The following IRAG1 variants were observed in gnomAD, a reference collection of about 807,000 sequenced individuals.
IRAG1 encodes IP3R-associated cGMP kinase substrate.
In IRAG1, 62 loss-of-function variants were observed where a neutral mutation model predicts 106.2. The observed-to-expected ratio is 0.58, with a 90% confidence interval of 0.48 to 0.72. The LOEUF (loss-of-function observed/expected upper bound fraction) is 0.72, where lower values mean the gene tolerates loss of function less well. IRAG1 is among the 30% of genes least tolerant of loss of function. The probability of loss-of-function intolerance (pLI) is 0.00; values close to 1 mark genes in which losing one functional copy is unlikely to be tolerated. For missense variants in IRAG1, 1,064 were observed against 1,140.7 expected (o/e 0.93, Z 0.97); for synonymous variants, 462 against 443.9 (o/e 1.04, Z -0.51).
In IRAG1 at chr11:10,644,726, G is replaced by A. The variant is rs185541976; in HGVS notation, c.225+7299C>T. Among the ~76,000 whole-genome samples, 3 of 152,306 alleles carry A rather than the reference G, an allele frequency of 2.0e-5. No individual in the cohort carries two copies. The East Asian group carries it at 5.8e-4, about 29-fold the overall frequency. On this transcript the variant is annotated intron_variant, in intron 2 of 20. Transcript: ENST00000423302. ...ACACAGTCCTTACCAGGTTCCAAGT[G>A]TTTTACATGCTTTATCTGGTTCCTC...
At chr11:10,633,941 C>G (rs539202580) in intron 3 of IRAG1, 27 bp downstream of exon 3, 1 of 1,377,356 alleles carries the variant, frequency 7.3e-7, no homozygotes, top group East Asian at 2.4e-5. Context: ...TATTGTTTGT[C>G]ACAATGCAAG....
chr11:10,610,300 G>T (rs1591603245), intron 10 of IRAG1, among the ~76,000 whole-genome samples: 2 of 152,180 alleles, frequency 1.3e-5, no homozygotes, highest in African/African-American at 4.8e-5. Context: ...ATCCTACTTA[G>T]AAATTAACAT....
intron 1 of IRAG1, among the ~76,000 whole-genome samples, chr11:10,658,193 G>T (rs538565008): frequency 6.6e-6 from 1 of 152,294 alleles, no homozygotes; most frequent in South Asian, 2.1e-4. Flanking sequence ...GCTGGGTTCC[G>T]CGACTCCACA....
intron 18 of IRAG1, among the ~76,000 whole-genome samples, chr11:10,584,548 AATATATATATATATATATATAT>A (rs56768282): frequency 9.1e-5 from 9 of 98,580 alleles, no homozygotes; most frequent in South Asian, 8.3e-4. Context: ...TCTTTCATGA[AATATATATATATATATATATAT>A]ATATATATAT....
chr11:10,685,076 A>G (rs1564945117), intron 1 of IRAG1, among the ~76,000 whole-genome samples: 1 of 152,128 alleles, frequency 6.6e-6, no homozygotes, highest in Non-Finnish European at 1.5e-5. Context: ...TCTTACCTAA[A>G]TCTCTATCTA....
Position 10,590,262 on chromosome 11 carries a change from T to A in IRAG1, c.2240+1286A>T, listed in dbSNP as rs558844947. Among the ~76,000 whole-genome samples, 4 of 152,228 alleles carry A rather than the reference T, an allele frequency of 2.6e-5. No homozygotes were observed. In the South Asian group the frequency reaches 8.3e-4, roughly 32 times the overall value. ...GTGTTGCCTCTTGACAATTTCCCTG[T>A]AGTGATCAAGAAAAGACAGAGAGAG... On this transcript the variant is annotated intron_variant, in intron 18 of 20. Coordinates refer to ENST00000423302, the MANE Select transcript of IRAG1 (RefSeq NM_130385.4).
chr11:10,668,664 A>T (rs1233297022), intron 1 of IRAG1, among the ~76,000 whole-genome samples: 1 of 151,738 alleles, frequency 6.6e-6, no homozygotes, highest in Non-Finnish European at 1.5e-5. Flanking sequence ...AATTGCAATT[A>T]TTTTTTTATA....
At chr11:10,603,520 C>T (rs1041389443) in intron 13 of IRAG1, among the ~76,000 whole-genome samples, 1 of 152,108 alleles carries the variant, frequency 6.6e-6, no homozygotes, top group African/African-American at 2.4e-5. Context: ...TGACAGGCGG[C>T]GGAGCTCAGG....
chr11:10,635,856 G>C (rs751312244), intron 2 of IRAG1, among the ~76,000 whole-genome samples: 9 of 152,160 alleles, frequency 5.9e-5, no homozygotes, highest in Non-Finnish European at 1.2e-4. Context: ...TGGAAACCCA[G>C]AGCCAGATCC....
At chr11:10,580,921 G>A (rs1851324581) in intron 19 of IRAG1, among the ~76,000 whole-genome samples, 1 of 152,184 alleles carries the variant, frequency 6.6e-6, no homozygotes, top group Admixed American at 6.5e-5. Context: ...ATGTGACCGT[G>A]GAGCTTCAGC....
chr11:10,615,986 A>G (rs1486719301), intron 10 of IRAG1, among the ~76,000 whole-genome samples: 3 of 105,756 alleles, frequency 2.8e-5, no homozygotes, highest in Non-Finnish European at 7.0e-5. Flanking sequence ...AACACCTTGT[A>G]TAATATACTA....
intron 1 of IRAG1, among the ~76,000 whole-genome samples, chr11:10,673,781 T>C (rs535414239): frequency 6.6e-6 from 1 of 152,134 alleles, no homozygotes; most frequent in South Asian, 2.1e-4. Flanking sequence ...ACATAAACAT[T>C]AGAAATTAAG....
intron 2 of IRAG1, among the ~76,000 whole-genome samples, chr11:10,639,062 G>A (rs1857332447): frequency 6.6e-6 from 1 of 152,118 alleles, no homozygotes; most frequent in African/African-American, 2.4e-5. Context: ...TGGGACTACA[G>A]GCATGCACCA....
intron 2 of IRAG1, among the ~76,000 whole-genome samples, chr11:10,645,549 C>T (rs1032247817): frequency 2.0e-5 from 3 of 152,232 alleles, no homozygotes; most frequent in Non-Finnish European, 4.4e-5. Context: ...GCTCTAAATT[C>T]GCACTTTCAT....
intron 1 of IRAG1, among the ~76,000 whole-genome samples, chr11:10,682,839 T>G (rs923879731): frequency 6.6e-6 from 1 of 152,218 alleles, no homozygotes; most frequent in Non-Finnish European, 1.5e-5. Flanking sequence ...GGCTTCCCCA[T>G]GACCACATTT....
intron 3 of IRAG1, among the ~76,000 whole-genome samples, chr11:10,633,097 C>T (rs533728787): frequency 1.2e-4 from 15 of 130,098 alleles, no homozygotes; most frequent in South Asian, 2.4e-4. Flanking sequence ...TTTTTTGAGA[C>T]GGAGTCTCGC....
intron 1 of IRAG1, among the ~76,000 whole-genome samples, chr11:10,675,463 C>T (rs1174148849): frequency 1.3e-5 from 2 of 152,136 alleles, no homozygotes; most frequent in Admixed American, 6.5e-5. Flanking sequence ...AGAAATGGTC[C>T]CTTGCAGAAG....
intron 3 of IRAG1, among the ~76,000 whole-genome samples, chr11:10,632,271 T>C (rs1856761625): frequency 2.6e-5 from 4 of 150,980 alleles, no homozygotes; most frequent in Admixed American, 2.6e-4. Flanking sequence ...CTGCAGCCTC[T>C]GCCTCCCAGG....
chr11:10,583,605 G>A (rs1851616161), intron 18 of IRAG1, among the ~76,000 whole-genome samples: 1 of 152,226 alleles, frequency 6.6e-6, no homozygotes. Context: ...GTAGGAAGGA[G>A]AGTAGAGGGG....
Sources: gnomAD v4.1 joint callset for allele counts (sites outside exome capture counted in the v4.1 genomes callset) on GRCh38, gnomAD v4.1.1 for gene constraint, MANE v1.5 for transcripts, NCBI Gene and HGNC (gene_info 2026-07-23, HGNC 2026-07-21) for gene names.